Variants in MAGI2 observed in about 807,000 individuals in gnomAD.
MAGI2 encodes membrane-associated guanylate kinase, WW and PDZ domain-containing protein 2.
A neutral mutation model predicts 133.3 loss-of-function variants in MAGI2; 35 were observed. The observed-to-expected ratio is 0.26, with a 90% confidence interval of 0.20 to 0.35. MAGI2 has a LOEUF of 0.35. Among genes scored for constraint, MAGI2 ranks in the 10% least tolerant of loss-of-function variants. The pLI is 1.00. For missense variants in MAGI2, 1,636 were observed against 1,863.4 expected (o/e 0.88, Z 2.25); for synonymous variants, 729 against 710.6 (o/e 1.03, Z -0.41).
At chr7:78,738,991 A>T (rs1295930836) in intron 2 of MAGI2, among the ~76,000 whole-genome samples, 1 of 152,248 alleles carries the variant, frequency 6.6e-6, no homozygotes, top group Non-Finnish European at 1.5e-5. Flanking sequence ...AGAATCTAGG[A>T]AACAGAAAAC....
At chr7:78,981,106 C>A (rs1804746530) in intron 2 of MAGI2, among the ~76,000 whole-genome samples, 1 of 151,426 alleles carries the variant, frequency 6.6e-6, no homozygotes. Flanking sequence ...ATTATGTATA[C>A]TAGTACAAAT....
intron 1 of MAGI2, among the ~76,000 whole-genome samples, chr7:79,261,632 C>T (rs956327799): frequency 6.6e-6 from 1 of 152,116 alleles, no homozygotes; most frequent in Non-Finnish European, 1.5e-5. Flanking sequence ...CATTCATATT[C>T]CTCTATTCCC....
chr7:78,438,637 C>A (rs1321711754), intron 6 of MAGI2, among the ~76,000 whole-genome samples: 2 of 152,138 alleles, frequency 1.3e-5, no homozygotes, highest in Non-Finnish European at 1.5e-5. Context: ...GTACTCACTC[C>A]AAACCTGGGT....
chr7:78,405,301 T>C (rs773699111), intron 6 of MAGI2, among the ~76,000 whole-genome samples: 21 of 152,148 alleles, frequency 1.4e-4, no homozygotes, highest in South Asian at 8.3e-4. Context: ...TTTTTGGTTC[T>C]AACAGTCATT....
At chr7:78,937,065 C>A (rs901997080) in intron 2 of MAGI2, among the ~76,000 whole-genome samples, 12 of 151,784 alleles carry the variant, frequency 7.9e-5, no homozygotes, top group African/African-American at 2.4e-4. Context: ...TGGCTAATAG[C>A]AGTTCCGGGG....
chr7:78,845,091 C>G lies in MAGI2; in HGVS notation c.418+161999G>C, dbSNP rs1792477238. Reference sequence around the variant, plus strand: ...AAATATCTCTAGAAGTAACTGTTCCCCCTGGAAACTTGAGGTTTTAACCAC... The same window carrying G: ...AAATATCTCTAGAAGTAACTGTTCCGCCTGGAAACTTGAGGTTTTAACCAC... On this transcript the variant is annotated intron_variant, in intron 2 of 21. Transcript: ENST00000354212. 2.0e-5 allele frequency among the ~76,000 whole-genome samples: 3 copies of G among 151,906 alleles called. No homozygotes were observed. The South Asian group carries it at 6.2e-4, about 32-fold the overall frequency.
At chr7:79,400,251 T>G (rs911175991) in intron 1 of MAGI2, among the ~76,000 whole-genome samples, 1 of 152,210 alleles carries the variant, frequency 6.6e-6, no homozygotes, top group African/African-American at 2.4e-5. Context: ...CAATCACATT[T>G]CAACTTTCTG....
At chr7:78,648,209 A>C (rs1811107621) in intron 2 of MAGI2, among the ~76,000 whole-genome samples, 2 of 152,222 alleles carry the variant, frequency 1.3e-5, no homozygotes, top group Non-Finnish European at 2.9e-5. Context: ...ACAGTACAAT[A>C]AATAACAATT....
At chr7:78,062,363 C>G in intron 21 of MAGI2, among the ~76,000 whole-genome samples, 1 of 152,326 alleles carries the variant, frequency 6.6e-6, no homozygotes, top group Admixed American at 6.5e-5. Context: ...GGCCACTTCC[C>G]ACCCACAATC....
In MAGI2 at chr7:78,582,007, A is replaced by G. The variant is rs902793328; in HGVS notation, c.538+45113T>C. On this transcript the variant is annotated intron_variant, in intron 3 of 21. Transcript: ENST00000354212. The stretch of plus-strand genomic sequence containing the variant: ...TTAGGACCTGCTTTAGGGGAAGGTC[A>G]GGAACTCCTTCCTAGGTTTTATAAC... Among the ~76,000 whole-genome samples, 5 of 152,322 alleles carry G rather than the reference A, an allele frequency of 3.3e-5. No individual in the cohort carries two copies. In the East Asian group the frequency reaches 9.7e-4, roughly 29 times the overall value.
intron 2 of MAGI2, among the ~76,000 whole-genome samples, chr7:78,775,166 AG>A (rs1349624923): frequency 6.6e-6 from 1 of 151,418 alleles, no homozygotes; most frequent in Non-Finnish European, 1.5e-5. Context: ...ACAAAAAATG[AG>A]CCAGGCGTGG....
chr7:78,245,387 G>A (rs184751743), intron 10 of MAGI2, among the ~76,000 whole-genome samples: 5 of 152,244 alleles, frequency 3.3e-5, no homozygotes, highest in African/African-American at 1.2e-4. Flanking sequence ...GCACATTGTG[G>A]GCATTCAAAA....
chr7:78,137,714 C>CA (rs1254055393), intron 16 of MAGI2, among the ~76,000 whole-genome samples: 3 of 152,174 alleles, frequency 2.0e-5, no homozygotes, highest in African/African-American at 7.2e-5. Flanking sequence ...TCTGATTTCA[C>CA]AAAAAAGACG....
At chr7:78,388,823 G>A (rs1583840666) in intron 6 of MAGI2, among the ~76,000 whole-genome samples, 2 of 152,168 alleles carry the variant, frequency 1.3e-5, no homozygotes, top group Admixed American at 1.3e-4. Context: ...TAACAAGCAA[G>A]ACAATTATTT....
intron 5 of MAGI2, among the ~76,000 whole-genome samples, chr7:78,496,481 A>G (rs1794097024): frequency 1.3e-5 from 2 of 152,226 alleles, no homozygotes; most frequent in Admixed American, 1.3e-4. Flanking sequence ...ATCCAGATTA[A>G]CCCTGTGGCA....
chr7:78,782,489 C>T (rs1451047712), intron 2 of MAGI2, among the ~76,000 whole-genome samples: 1 of 151,996 alleles, frequency 6.6e-6, no homozygotes, highest in Admixed American at 6.6e-5. Flanking sequence ...TGGAGAGGTT[C>T]AGAGCTGGGA....
chr7:79,001,903 A>G (rs1263857263), intron 2 of MAGI2, among the ~76,000 whole-genome samples: 1 of 152,138 alleles, frequency 6.6e-6, no homozygotes, highest in African/African-American at 2.4e-5. Flanking sequence ...TTTGTGTACT[A>G]TGAGGGTAAT....
intron 13 of MAGI2, among the ~76,000 whole-genome samples, chr7:78,178,868 T>C (rs199755761): frequency 6.6e-6 from 1 of 152,162 alleles, no homozygotes; most frequent in East Asian, 1.9e-4. Flanking sequence ...AAGATACTTT[T>C]CTGAAGTCAG....
chr7:78,734,772 A>T (rs942273302), intron 2 of MAGI2, among the ~76,000 whole-genome samples: 3 of 152,106 alleles, frequency 2.0e-5, no homozygotes, highest in Non-Finnish European at 4.4e-5. Flanking sequence ...AGATCTGTCA[A>T]AGCTAAGGGA....
Sources: allele counts gnomAD v4.1 joint callset (sites outside exome capture counted in the v4.1 genomes callset), GRCh38; gene constraint gnomAD v4.1.1; transcripts MANE v1.5; gene names NCBI Gene and HGNC (gene_info 2026-07-23, HGNC 2026-07-21).